The following TNR variants were observed in gnomAD, a reference collection of about 807,000 sequenced individuals.
The protein encoded by TNR is tenascin-R.
Under a neutral mutation model 150.4 loss-of-function variants are expected in TNR, and 45 were observed. The observed-to-expected ratio is 0.30, with a 90% CI of 0.24 to 0.38. The LOEUF (loss-of-function observed/expected upper bound fraction) is 0.38. TNR is among the 10% of genes least tolerant of loss of function. TNR has a pLI of 1.00. For synonymous variants in TNR, 687 were observed against 678.4 expected (o/e 1.01, Z -0.20); for missense variants, 1,544 against 1,759.1 (o/e 0.88, Z 2.19).
At chr1:175,494,869 A>G (rs1479016112) in intron 2 of TNR, among the ~76,000 whole-genome samples, 1 of 152,180 alleles carries the variant, frequency 6.6e-6, no homozygotes, top group Non-Finnish European at 1.5e-5. Flanking sequence ...CACGGTTCTT[A>G]GTGTCTAAAA....
chr1:175,687,842 T>A (rs540130437), intron 1 of TNR, among the ~76,000 whole-genome samples: 2 of 151,942 alleles, frequency 1.3e-5, no homozygotes, highest in South Asian at 4.2e-4. Flanking sequence ...TATCTTCTGC[T>A]GTTAGCGCCC....
chr1:175,742,052 A>G (rs541318287), intron 1 of TNR, among the ~76,000 whole-genome samples: 1 of 152,298 alleles, frequency 6.6e-6, no homozygotes, highest in African/African-American at 2.4e-5. Flanking sequence ...CCTCAACACC[A>G]CTTGTTGAAT....
intron 2 of TNR, among the ~76,000 whole-genome samples, chr1:175,486,637 C>G (rs1658028432): frequency 6.6e-6 from 1 of 152,102 alleles, no homozygotes; most frequent in African/African-American, 2.4e-5. Flanking sequence ...GGGTATATAC[C>G]CAGTAATGGG....
intron 2 of TNR, among the ~76,000 whole-genome samples, chr1:175,419,368 A>G (rs933768393): frequency 6.6e-6 from 1 of 152,216 alleles, no homozygotes; most frequent in Non-Finnish European, 1.5e-5. Flanking sequence ...TACAGATGGC[A>G]CTGACTGGGC....
intron 2 of TNR, among the ~76,000 whole-genome samples, chr1:175,429,751 T>G (rs1646620451): frequency 6.6e-6 from 1 of 152,198 alleles, no homozygotes; most frequent in Admixed American, 6.5e-5. Flanking sequence ...AGAAGAGTTT[T>G]GTATAATGTC....
At chr1:175,448,431 C>T (rs907072774) in intron 2 of TNR, among the ~76,000 whole-genome samples, 34 of 152,058 alleles carry the variant, frequency 2.2e-4, no homozygotes, top group African/African-American at 7.2e-4. Flanking sequence ...AGGATGGTCT[C>T]GATCTCCTGA....
chr1:175,670,309 G>A (rs1350574486), intron 1 of TNR, among the ~76,000 whole-genome samples: 1 of 152,154 alleles, frequency 6.6e-6, no homozygotes, highest in Non-Finnish European at 1.5e-5. Context: ...GGGTGTGAGA[G>A]CCTCAAACCT....
intron 1 of TNR, among the ~76,000 whole-genome samples, chr1:175,619,497 A>G (rs1305809392): frequency 2.0e-5 from 3 of 152,236 alleles, no homozygotes; most frequent in Non-Finnish European, 4.4e-5. Flanking sequence ...AAAGCTAAGC[A>G]GGCTCATTAG....
intron 1 of TNR, among the ~76,000 whole-genome samples, chr1:175,654,512 A>T (rs559228899): frequency 5.9e-5 from 9 of 152,190 alleles, no homozygotes; most frequent in African/African-American, 2.2e-4. Flanking sequence ...TTTCCAGCTC[A>T]CGGCAATGAG....
chr1:175,601,025 T>C (rs570384908), intron 1 of TNR, among the ~76,000 whole-genome samples: 2 of 152,372 alleles, frequency 1.3e-5, no homozygotes, highest in Admixed American at 6.5e-5. Flanking sequence ...ATCAAATCAC[T>C]TTGCTTATAA....
intron 1 of TNR, among the ~76,000 whole-genome samples, chr1:175,648,433 G>A (rs1434723107): frequency 6.6e-6 from 1 of 151,984 alleles, no homozygotes; most frequent in African/African-American, 2.4e-5. Context: ...ATCTTAAAAG[G>A]GCAACCAACC....
At position 175,366,093 on chromosome 1, in the gene TNR, G is replaced by T. The variant is rs1201719666; in HGVS notation, c.2099C>A (p.Thr700Asn). ...RDLMVTASSE[T>N]SISLIWTKAS... is the part of the protein sequence containing the mutation. Reference sequence around the variant, plus strand: ...CTTGGTCCAGATGAGGGAGATGGAGGTCTCCGAGGAGGCTGTCACCATGAG... The same window carrying T: ...CTTGGTCCAGATGAGGGAGATGGAGTTCTCCGAGGAGGCTGTCACCATGAG... Residue 700 changes from threonine (T) to asparagine (N), a missense_variant, in exon 11 of 23, where the codon ACC becomes AAC. This residue lies in a region of TNR where 1,254 missense variants were observed against 1,329.4 expected (regional missense o/e 0.94). Transcript: ENST00000367674. 1 of 1,613,450 alleles carries T rather than the reference G, an allele frequency of 6.2e-7. No individual in the cohort carries two copies. Among genetic ancestry groups the T allele is most frequent in the East Asian group, 2.2e-5 (1 of 44,852 alleles).
intron 1 of TNR, among the ~76,000 whole-genome samples, chr1:175,666,066 T>C (rs974076927): frequency 2.0e-5 from 3 of 152,240 alleles, no homozygotes; most frequent in Non-Finnish European, 4.4e-5. Flanking sequence ...ATTAAATTTC[T>C]ACTGAGTACC....
intron 1 of TNR, among the ~76,000 whole-genome samples, chr1:175,545,057 G>A (rs917997059): frequency 6.6e-6 from 1 of 152,208 alleles, no homozygotes; most frequent in Non-Finnish European, 1.5e-5. Context: ...CTCAGCTGAT[G>A]TAAAATTTGA....
chr1:175,341,061 GC>G (rs1193596908), intron 18 of TNR, among the ~76,000 whole-genome samples: 1 of 152,170 alleles, frequency 6.6e-6, no homozygotes, highest in Non-Finnish European at 1.5e-5. Flanking sequence ...ATTGGACTTT[GC>G]TTAGCTAATA....
intron 14 of TNR, 42 bp from the exon 15 acceptor site, chr1:175,359,773 C>T (rs763161621): frequency 6.4e-7 from 1 of 1,569,732 alleles, no homozygotes; most frequent in Non-Finnish European, 8.6e-7. Context: ...AGAGGAGCTG[C>T]AGGATAGAAA....
intron 1 of TNR, among the ~76,000 whole-genome samples, chr1:175,717,170 C>T (rs1667178131): frequency 6.6e-6 from 1 of 152,168 alleles, no homozygotes; most frequent in African/African-American, 2.4e-5. Context: ...TGTGTTCTGA[C>T]ACCTCATAAA....
chr1:175,628,745 C>T (rs1230136927), intron 1 of TNR, among the ~76,000 whole-genome samples: 1 of 152,090 alleles, frequency 6.6e-6, no homozygotes, highest in Admixed American at 6.5e-5. Context: ...CTCTACAGCA[C>T]TTTGCAAGTT....
intron 1 of TNR, among the ~76,000 whole-genome samples, chr1:175,696,226 T>TGTTGTTGTTG: frequency 7.3e-6 from 1 of 136,410 alleles, no homozygotes; most frequent in African/African-American, 3.1e-5. Context: ...AGTTTTTTTT[T>TGTTGTTGTTG]TTTTTTTTTT....
Sources: gnomAD v4.1 joint callset for allele counts (sites outside exome capture counted in the v4.1 genomes callset) on GRCh38, gnomAD v4.1.1 for gene constraint, gnomAD v4.1.1 regional missense constraint, MANE v1.5 for transcripts, NCBI Gene and HGNC (gene_info 2026-07-23, HGNC 2026-07-21) for gene names.